ARHGEF28: variants seen among roughly 807,000 people sequenced by gnomAD.
ARHGEF28 encodes the protein Rho guanine nucleotide exchange factor 28.
ARHGEF28 carries 152 observed loss-of-function variants against 206.6 expected under a neutral mutation model. The observed-to-expected ratio is 0.74, with a 90% CI of 0.64 to 0.84. The LOEUF is 0.84. Among genes scored for constraint, ARHGEF28 ranks in the 40% least tolerant of loss-of-function variants. The pLI is 0.00. For synonymous variants in ARHGEF28, 763 were observed against 776.4 expected, an observed-to-expected ratio of 0.98 and a Z score of 0.29; for missense variants, 2,028 against 2,073.2, an observed-to-expected ratio of 0.98 and a Z score of 0.42.
chr5:73,692,765 G>A (rs956267264), intron 2 of ARHGEF28, among the ~76,000 whole-genome samples: 14 of 152,234 alleles, frequency 9.2e-5, no homozygotes, highest in African/African-American at 3.1e-4. Flanking sequence ...CAGGGAAGCA[G>A]CTTCTTATTG....
At chr5:73,692,539 T>C (rs1747896755) in intron 2 of ARHGEF28, among the ~76,000 whole-genome samples, 1 of 152,210 alleles carries the variant, frequency 6.6e-6, no homozygotes, top group South Asian at 2.1e-4. Flanking sequence ...GTCCCAAGAA[T>C]GTTGGTTGCT....
intron 26 of ARHGEF28, among the ~76,000 whole-genome samples, chr5:73,889,592 T>A (rs537635728): frequency 1.3e-5 from 2 of 152,350 alleles, no homozygotes; most frequent in South Asian, 4.1e-4. Flanking sequence ...CTTTAAAATC[T>A]CTTTATCACA....
chr5:73,735,478 G>T (rs1455755150), intron 2 of ARHGEF28, among the ~76,000 whole-genome samples: 1 of 152,044 alleles, frequency 6.6e-6, no homozygotes, highest in East Asian at 1.9e-4. Context: ...TAGAGATCCA[G>T]ACCAGTATCT....
chr5:73,777,496 C>G (rs900616480), intron 6 of ARHGEF28, among the ~76,000 whole-genome samples: 1 of 152,088 alleles, frequency 6.6e-6, no homozygotes. Flanking sequence ...GCTTAGAAAA[C>G]CAATATTATC....
intron 1 of ARHGEF28, among the ~76,000 whole-genome samples, chr5:73,671,949 G>T (rs998697638): frequency 6.6e-6 from 1 of 151,146 alleles, no homozygotes; most frequent in Non-Finnish European, 1.5e-5. Flanking sequence ...TAGAGATGGG[G>T]TTTCACTATG....
At chr5:73,902,115 TTATA>T (rs1211247135) in intron 31 of ARHGEF28, 1 of 152,142 alleles carries the variant, frequency 6.6e-6, no homozygotes, top group Non-Finnish European at 1.5e-5. Context: ...ATTTTACATA[TTATA>T]TACTTTTTGT....
In ARHGEF28 at chr5:73,873,246, G is replaced by A. The variant is rs1760225951; in HGVS notation, c.2814G>A (p.Gln938=). The change falls in exon 22 of 36, where the codon CAG becomes CAA. Residue 938 remains glutamine, a splice_region_variant and synonymous_variant. Coordinates refer to ENST00000513042, the MANE Select transcript of ARHGEF28 (RefSeq NM_001177693.2). The part of the protein sequence containing the change: ...IDRIGDILVQ[Q]FSEENASKMK... ...GAATTGGAGATATTTTGGTACAACA[G>A]GTAAGAAGAGCTTAAAGTCCTTGAC... The A allele has an allele frequency of 6.2e-6, 10 of 1,606,972 alleles. No individual in the cohort carries two copies. Among genetic ancestry groups the A allele is most frequent in the Non-Finnish European group, 8.5e-6 (10 of 1,175,520 alleles).
chr5:73,677,591 T>G (rs1023524355), intron 1 of ARHGEF28, among the ~76,000 whole-genome samples: 6 of 152,256 alleles, frequency 3.9e-5, no homozygotes, highest in African/African-American at 1.4e-4. Context: ...AAAAACATTT[T>G]TAGCCTGTTT....
intron 4 of ARHGEF28, among the ~76,000 whole-genome samples, chr5:73,756,270 A>G (rs1255333323): frequency 1.3e-5 from 2 of 152,260 alleles, no homozygotes; most frequent in Admixed American, 6.5e-5. Context: ...ATTTTCATAT[A>G]TAGAGTGTAT....
intron 13 of ARHGEF28, 120 bp from the exon 14 acceptor site, chr5:73,852,530 A>G (rs1758768471): frequency 1.2e-6 from 1 of 851,694 alleles, no homozygotes; most frequent in South Asian, 1.6e-5. Context: ...TCATTTTCTC[A>G]TTATTTTCTA....
intron 1 of ARHGEF28, among the ~76,000 whole-genome samples, chr5:73,680,229 G>A (rs1746985105): frequency 6.6e-6 from 1 of 151,732 alleles, no homozygotes; most frequent in Non-Finnish European, 1.5e-5. Context: ...GAGGTCAGGA[G>A]TTCAAGACCA....
intron 9 of ARHGEF28, among the ~76,000 whole-genome samples, chr5:73,831,415 C>T (rs912850517): frequency 7.2e-5 from 11 of 152,188 alleles, no homozygotes; most frequent in Non-Finnish European, 1.3e-4. Context: ...TTTTAGGCAA[C>T]CTCATCTATT....
At chr5:73,773,764 T>C in intron 4 of ARHGEF28, 91 bp from the exon 5 acceptor site, 1 of 1,185,480 alleles carries the variant, frequency 8.4e-7, no homozygotes, top group Non-Finnish European at 1.1e-6. Context: ...ACATTCTTAT[T>C]ATGTCTAAAT....
chr5:73,910,023 C>T (rs1762798535), intron 34 of ARHGEF28, 126 bp downstream of exon 34: 1 of 1,334,714 alleles, frequency 7.5e-7, no homozygotes, highest in Non-Finnish European at 9.6e-7. Flanking sequence ...GAGGATTTTT[C>T]AATTTGTAGG....
At chr5:73,901,868 ACTCT>A (rs1320986464) in intron 31 of ARHGEF28, 1 of 152,016 alleles carries the variant, frequency 6.6e-6, no homozygotes, top group Non-Finnish European at 1.5e-5. Flanking sequence ...ATAGATATTA[ACTCT>A]CTCTTTAAGA....
chr5:73,641,856 G>A (rs1469931757), intron 1 of ARHGEF28, among the ~76,000 whole-genome samples: 1 of 152,160 alleles, frequency 6.6e-6, no homozygotes, highest in Non-Finnish European at 1.5e-5. Flanking sequence ...ATAATGAAGA[G>A]GATGATGGCC....
At chr5:73,939,017 A>G (rs1404993787) in intron 35 of ARHGEF28, among the ~76,000 whole-genome samples, 1 of 150,964 alleles carries the variant, frequency 6.6e-6, no homozygotes, top group Non-Finnish European at 1.5e-5. Context: ...GGAAAGTATT[A>G]AACATTGAGG....
At chr5:73,873,332 AATG>A (rs1487878768) in intron 22 of ARHGEF28, 86 bp downstream of exon 22, 2 of 1,449,122 alleles carry the variant, frequency 1.4e-6, no homozygotes, top group Admixed American at 2.4e-5. Context: ...GAGTAAAAAA[AATG>A]ATATTTTGAA....
intron 4 of ARHGEF28, among the ~76,000 whole-genome samples, chr5:73,756,162 A>G (rs1752299073): frequency 6.6e-6 from 1 of 152,194 alleles, no homozygotes; most frequent in Non-Finnish European, 1.5e-5. Flanking sequence ...GCTGGTTGTG[A>G]TGATTTAATT....
Sources: gnomAD v4.1 joint callset for allele counts (sites outside exome capture counted in the v4.1 genomes callset) on GRCh38, gnomAD v4.1.1 for gene constraint, MANE v1.5 for transcripts, NCBI Gene and HGNC (gene_info 2026-07-23, HGNC 2026-07-21) for gene names.